The following CDH12 variants were observed in gnomAD, a reference collection of about 807,000 sequenced individuals.
The protein encoded by CDH12 is cadherin-12.
A neutral mutation model predicts 74.1 loss-of-function variants in CDH12; 41 were observed. The observed-to-expected ratio is 0.55, with a 90% confidence interval of 0.43 to 0.72. CDH12 has a LOEUF of 0.72. Among genes scored for constraint, CDH12 ranks in the 30% least tolerant of loss-of-function variants. CDH12 has a pLI of 0.00. For missense variants in CDH12, 945 were observed against 977.2 expected, an observed-to-expected ratio of 0.97 and a Z score of 0.44; for synonymous variants, 399 against 355.0, an observed-to-expected ratio of 1.12 and a Z score of -1.39.
At chr5:22,452,023 G>A (rs1205736650) in intron 2 of CDH12, among the ~76,000 whole-genome samples, 2 of 151,666 alleles carry the variant, frequency 1.3e-5, no homozygotes, top group East Asian at 1.9e-4. Flanking sequence ...CCAATGAGGT[G>A]AAATATCGCT....
intron 1 of CDH12, among the ~76,000 whole-genome samples, chr5:22,668,887 C>T (rs948614736): frequency 6.6e-6 from 1 of 151,900 alleles, no homozygotes; most frequent in African/African-American, 2.4e-5. Context: ...TTTTCAACTC[C>T]TCTCTCTTTA....
At chr5:22,113,756 C>G (rs1053222497) in intron 4 of CDH12, among the ~76,000 whole-genome samples, 2 of 152,096 alleles carry the variant, frequency 1.3e-5, no homozygotes, top group African/African-American at 2.4e-5. Context: ...ACCAAAAATA[C>G]AGTTATTCTA....
intron 7 of CDH12, among the ~76,000 whole-genome samples, chr5:21,848,070 T>C (rs1039642522): frequency 6.6e-6 from 1 of 152,134 alleles, no homozygotes; most frequent in African/African-American, 2.4e-5. Context: ...TAAGTGTTTA[T>C]CCTTCAGGAG....
At chr5:22,486,234 A>C (rs879476180) in intron 2 of CDH12, among the ~76,000 whole-genome samples, 1 of 152,104 alleles carries the variant, frequency 6.6e-6, no homozygotes, top group Admixed American at 6.6e-5. Flanking sequence ...AGAAATTGTC[A>C]CCTTTCCTAT....
chr5:22,423,399 T>C (rs561691440), intron 2 of CDH12, among the ~76,000 whole-genome samples: 5 of 152,202 alleles, frequency 3.3e-5, no homozygotes, highest in Admixed American at 2.6e-4. Context: ...GGATCCAGTC[T>C]AGAAAAACTC....
rs538674131 is a variant in CDH12 at position 22,697,875 on chromosome 5, A to G, written c.-523+155183T>C. Among the ~76,000 whole-genome samples the G allele has an allele frequency of 2.6e-5, 4 of 152,204 alleles. No homozygotes were observed. In the South Asian group the frequency reaches 8.3e-4, roughly 32 times the overall value. Reference sequence around the variant, plus strand: ...CCCTCTCTGCATGTGCACGAAGAAGAGGCCCTGAGAAGACACATGGAGTAG... The same window carrying G: ...CCCTCTCTGCATGTGCACGAAGAAGGGGCCCTGAGAAGACACATGGAGTAG... On this transcript the variant is annotated intron_variant, in intron 1 of 14. Coordinates refer to ENST00000382254, the MANE Select transcript of CDH12 (RefSeq NM_004061.5).
chr5:22,714,640 C>T (rs1316149932), intron 1 of CDH12, among the ~76,000 whole-genome samples: 1 of 152,010 alleles, frequency 6.6e-6, no homozygotes, highest in East Asian at 1.9e-4. Context: ...TTCATATGAC[C>T]CTGCCCTAAT....
At chr5:21,762,874 C>CTTT (rs10561731) in intron 12 of CDH12, among the ~76,000 whole-genome samples, 13 of 128,520 alleles carry the variant, frequency 1.0e-4, no homozygotes, top group African/African-American at 3.1e-4. Context: ...AAAGAACTGG[C>CTTT]TTTTTTTTTT....
At chr5:21,842,853 A>G (rs1020186369) in intron 7 of CDH12, among the ~76,000 whole-genome samples, 1 of 152,134 alleles carries the variant, frequency 6.6e-6, no homozygotes, top group African/African-American at 2.4e-5. Flanking sequence ...AATTCCCGTT[A>G]GTTATTTTAG....
chr5:22,524,088 T>C (rs1175442724), intron 1 of CDH12, among the ~76,000 whole-genome samples: 1 of 151,682 alleles, frequency 6.6e-6, no homozygotes, highest in Non-Finnish European at 1.5e-5. Flanking sequence ...GCTCAGGTGA[T>C]CCATCCACCC....
At chr5:21,910,705 T>C (rs1475106075) in intron 6 of CDH12, among the ~76,000 whole-genome samples, 2 of 150,694 alleles carry the variant, frequency 1.3e-5, no homozygotes, top group Non-Finnish European at 3.0e-5. Flanking sequence ...AAAGAATCAG[T>C]AGAGAATGCT....
chr5:22,840,817 G>A (rs961536561), intron 1 of CDH12, among the ~76,000 whole-genome samples: 1 of 152,154 alleles, frequency 6.6e-6, no homozygotes, highest in African/African-American at 2.4e-5. Context: ...TCATAGAGAA[G>A]GGGGATTCAA....
At chr5:21,965,635 G>T (rs1393288834) in intron 6 of CDH12, among the ~76,000 whole-genome samples, 1 of 151,054 alleles carries the variant, frequency 6.6e-6, no homozygotes. Context: ...TTTCTTGGTC[G>T]GGAATGAAAA....
chr5:22,414,623 A>C (rs559941222), intron 2 of CDH12, among the ~76,000 whole-genome samples: 1 of 152,054 alleles, frequency 6.6e-6, no homozygotes, highest in African/African-American at 2.4e-5. Context: ...ACATTATTTC[A>C]GGTAATTTAT....
At chr5:22,677,592 T>G (rs1741264922) in intron 1 of CDH12, among the ~76,000 whole-genome samples, 1 of 151,998 alleles carries the variant, frequency 6.6e-6, no homozygotes, top group South Asian at 2.1e-4. Flanking sequence ...TATGAATTTT[T>G]GACGAGACAC....
At chr5:22,428,635 C>T (rs529832416) in intron 2 of CDH12, among the ~76,000 whole-genome samples, 38 of 152,166 alleles carry the variant, frequency 2.5e-4, no homozygotes, top group Admixed American at 2.2e-3. Context: ...TGATTTTTGT[C>T]CTTTACTATG....
At chr5:21,907,146 T>G (rs1753677885) in intron 6 of CDH12, among the ~76,000 whole-genome samples, 1 of 152,186 alleles carries the variant, frequency 6.6e-6, no homozygotes, top group African/African-American at 2.4e-5. Context: ...CCGCATGCAT[T>G]AGAAAACCTG....
intron 2 of CDH12, among the ~76,000 whole-genome samples, chr5:22,480,474 C>T (rs1746343510): frequency 6.6e-6 from 1 of 151,418 alleles, no homozygotes; most frequent in African/African-American, 2.4e-5. Context: ...GTCCCAGCTA[C>T]TCAGGAGACA....
intron 5 of CDH12, among the ~76,000 whole-genome samples, chr5:22,017,942 A>G (rs1382715903): frequency 6.6e-6 from 1 of 152,016 alleles, no homozygotes; most frequent in African/African-American, 2.4e-5. Flanking sequence ...TACTTTTAGT[A>G]GAGACAAGAT....
Sources: gnomAD v4.1 joint callset for allele counts (sites outside exome capture counted in the v4.1 genomes callset) on GRCh38, gnomAD v4.1.1 for gene constraint, MANE v1.5 for transcripts, NCBI Gene and HGNC (gene_info 2026-07-23, HGNC 2026-07-21) for gene names.